Variants in RFX4 observed in about 807,000 individuals in gnomAD.
RFX4 encodes regulatory factor X4.
In RFX4, 10 loss-of-function variants were observed where a neutral mutation model predicts 95.0. That is an observed-to-expected ratio of 0.11 (90% CI 0.06 to 0.18). The LOEUF is 0.18. RFX4 is among the 10% of genes least tolerant of loss of function. The pLI, the probability that RFX4 is intolerant of heterozygous loss-of-function variation, is 1.00. For synonymous variants in RFX4, 321 were observed against 340.7 expected (o/e 0.94, Z 0.64); for missense variants, 640 against 922.0 (o/e 0.69, Z 3.96).
chr12:106,594,683 C>T (rs1371303000), intron 1 of RFX4, among the ~76,000 whole-genome samples: 2 of 151,994 alleles, frequency 1.3e-5, no homozygotes, highest in African/African-American at 4.8e-5. Context: ...CCTTGAGCGC[C>T]GCTGGGAAAG....
chr12:106,724,910 G>C (rs1389764832), intron 13 of RFX4, among the ~76,000 whole-genome samples: 1 of 151,734 alleles, frequency 6.6e-6, no homozygotes, highest in African/African-American at 2.4e-5. Context: ...TACTCGGGAG[G>C]CTGAGGCAGG....
chr12:106,749,083 CAAA>C (rs35924676), intron 16 of RFX4, among the ~76,000 whole-genome samples: 3 of 104,762 alleles, frequency 2.9e-5, no homozygotes, highest in Non-Finnish European at 3.9e-5. Context: ...GACTTCATCT[CAAA>C]AAAAAAAAAA....
At chr12:106,729,562 T>G (rs1168999838) in intron 13 of RFX4, among the ~76,000 whole-genome samples, 1 of 152,230 alleles carries the variant, frequency 6.6e-6, no homozygotes, top group Non-Finnish European at 1.5e-5. Flanking sequence ...GCTTAATGAC[T>G]GTGTGACATT....
chr12:106,704,232 GT>G (rs543133604), intron 8 of RFX4, among the ~76,000 whole-genome samples: 90 of 152,260 alleles, frequency 5.9e-4, no homozygotes, highest in African/African-American at 2.0e-3. Context: ...GACTATGCTA[GT>G]TCCTGGAATA....
At chr12:106,757,427 A>G (rs1370032787) in intron 17 of RFX4, among the ~76,000 whole-genome samples, 2 of 152,070 alleles carry the variant, frequency 1.3e-5, no homozygotes, top group African/African-American at 4.8e-5. Context: ...ACATACCTGT[A>G]GTCCCAGCTA....
chr12:106,639,180 G>A (rs1242007150), intron 2 of RFX4, 152 bp from the exon 3 acceptor site: 2 of 559,088 alleles, frequency 3.6e-6, no homozygotes, highest in Non-Finnish European at 6.3e-6. Context: ...AAAGTATGAT[G>A]AGTCTAACAT....
At chr12:106,613,598 A>G (rs1178855529) in intron 2 of RFX4, among the ~76,000 whole-genome samples, 3 of 152,088 alleles carry the variant, frequency 2.0e-5, no homozygotes, top group Non-Finnish European at 4.4e-5. Flanking sequence ...TCCTGACTTC[A>G]GGTGATCCAC....
chr12:106,682,240 C>T, intron 5 of RFX4, 186 bp downstream of exon 5: 1 of 592,708 alleles, frequency 1.7e-6, no homozygotes, highest in Non-Finnish European at 3.0e-6. Flanking sequence ...GAGAGGTTGT[C>T]CAAAAGCCCA....
chr12:106,608,727 A>G (rs1211341927), intron 1 of RFX4, 70 bp from the exon 2 acceptor site: 1 of 1,379,790 alleles, frequency 7.2e-7, no homozygotes, highest in East Asian at 2.5e-5. Context: ...CTTCACAAAC[A>G]CCCACAGCAA....
Position 106,735,426 on chromosome 12 carries a change from A to G in RFX4, c.1633+2341A>G, listed in dbSNP as rs555755155. Among the ~76,000 whole-genome samples, 4 of 152,274 alleles carry G rather than the reference A, an allele frequency of 2.6e-5. No individual in the cohort carries two copies. The South Asian group carries it at 8.3e-4, about 32-fold the overall frequency. On this transcript the variant is annotated intron_variant, in intron 15 of 17. Coordinates refer to ENST00000392842, the MANE Select transcript of RFX4 (RefSeq NM_213594.3). ...AAGGCTTTTTAGACCAAAAGCTCTC[A>G]TTGAACATGTGCTGAATAAATGGAA...
intron 3 of RFX4, among the ~76,000 whole-genome samples, chr12:106,643,095 C>T (rs1372070722): frequency 1.3e-5 from 2 of 152,160 alleles, no homozygotes; most frequent in Non-Finnish European, 2.9e-5. Context: ...GACCTTTATC[C>T]CCCAACCCCA....
intron 3 of RFX4, among the ~76,000 whole-genome samples, chr12:106,644,895 A>C (rs1442687820): frequency 6.6e-6 from 1 of 152,178 alleles, no homozygotes; most frequent in Non-Finnish European, 1.5e-5. Context: ...GGGCAGGCCC[A>C]GGAAAGGACA....
chr12:106,745,018 CTATT>C (rs917654499), intron 15 of RFX4, among the ~76,000 whole-genome samples: 2 of 152,154 alleles, frequency 1.3e-5, no homozygotes, highest in Non-Finnish European at 2.9e-5. Context: ...GTGCTCCTAA[CTATT>C]CAGGCTTCCA....
At chr12:106,750,492 A>G (rs1216495232) in intron 16 of RFX4, among the ~76,000 whole-genome samples, 163 bp from the exon 17 acceptor site, 2 of 150,756 alleles carry the variant, frequency 1.3e-5, no homozygotes, top group African/African-American at 2.4e-5. Context: ...AAAAAAAAAA[A>G]CAGATGAAAG....
intron 15 of RFX4, among the ~76,000 whole-genome samples, chr12:106,744,552 C>T (rs1270820115): frequency 6.6e-6 from 1 of 152,272 alleles, no homozygotes; most frequent in Admixed American, 6.5e-5. Context: ...AAGCCTACCA[C>T]GTGCCAAACT....
intron 7 of RFX4, among the ~76,000 whole-genome samples, chr12:106,691,551 G>A (rs1461951164): frequency 6.6e-6 from 1 of 152,170 alleles, no homozygotes; most frequent in African/African-American, 2.4e-5. Context: ...GTAAATGGAT[G>A]GTGGATGTAT....
At chr12:106,639,439 T>G (rs1226765602) in intron 3 of RFX4, 47 bp downstream of exon 3, 1 of 1,528,380 alleles carries the variant, frequency 6.5e-7, no homozygotes, top group Non-Finnish European at 9.1e-7. Context: ...GATGCTCATA[T>G]CTTCTTGTCT....
intron 3 of RFX4, among the ~76,000 whole-genome samples, chr12:106,646,393 A>AT (rs1354370909): frequency 1.4e-5 from 2 of 144,778 alleles, no homozygotes; most frequent in Non-Finnish European, 3.0e-5. Context: ...CCAAATGGAA[A>AT]TTGCAACACT....
At chr12:106,687,829 C>T (rs1247306775) in intron 6 of RFX4, among the ~76,000 whole-genome samples, 1 of 152,128 alleles carries the variant, frequency 6.6e-6, no homozygotes, top group East Asian at 1.9e-4. Context: ...ACCTACCTGT[C>T]CTATGATCTT....
Sources: allele counts gnomAD v4.1 joint callset (sites outside exome capture counted in the v4.1 genomes callset), GRCh38; gene constraint gnomAD v4.1.1; transcripts MANE v1.5; gene names NCBI Gene and HGNC (gene_info 2026-07-23, HGNC 2026-07-21).